Variants in DNAJC11 observed in about 807,000 individuals in gnomAD.
DNAJC11 encodes the protein DnaJ heat shock protein family (Hsp40) member C11.
DNAJC11 carries 15 observed loss-of-function variants against 78.6 expected under a neutral mutation model. That is an observed-to-expected ratio of 0.19 (90% confidence interval 0.13 to 0.29). DNAJC11 has a LOEUF of 0.29. Ranked by LOEUF, DNAJC11 falls within the 10% of genes least tolerant of loss-of-function variation. The pLI, the probability that DNAJC11 is intolerant of heterozygous loss-of-function variation, is 1.00. For missense variants in DNAJC11, 547 were observed against 709.6 expected, an observed-to-expected ratio of 0.77 and a Z score of 2.60; for synonymous variants, 292 against 272.1, an observed-to-expected ratio of 1.07 and a Z score of -0.72.
chr1:6,701,638 G>T, intron 1 of DNAJC11, 91 bp downstream of exon 1: 1 of 1,343,130 alleles, frequency 7.4e-7, no homozygotes, highest in Non-Finnish European at 9.9e-7. Flanking sequence ...CGAGCCTCCC[G>T]TGGCGGGGGT....
At chr1:6,651,893 C>G (rs1234776959) in intron 6 of DNAJC11, among the ~76,000 whole-genome samples, 6 of 152,226 alleles carry the variant, frequency 3.9e-5, no homozygotes, top group African/African-American at 1.4e-4. Flanking sequence ...AGGCTGAGGT[C>G]AGGAGACCAG....
Position 6,667,722 on chromosome 1 carries a change from C to A in DNAJC11, c.365G>T (p.Arg122Leu). Residue 122 changes from arginine (R) to leucine (L), a missense_variant, in exon 4 of 16, where the codon CGA becomes CTA. By Grantham distance (102) the Arg-to-Leu change is moderately radical (BLOSUM62 -2). Coordinates refer to ENST00000377577, the MANE Select transcript of DNAJC11 (RefSeq NM_018198.4). ...CCCCTGGCTTACCTTGGGATTGGTT[C>A]GCTGCTGCAATCTCCTCTCTTCTCT... ...REREERRLQQ[R>L]TNPKGTISVG... 1 of 1,614,070 alleles carries A rather than the reference C, an allele frequency of 6.2e-7. No homozygotes were observed. Among genetic ancestry groups the A allele is most frequent in the South Asian group, 1.1e-5 (1 of 91,072 alleles).
At chr1:6,665,002 A>C (rs941878936) in intron 4 of DNAJC11, among the ~76,000 whole-genome samples, 4 of 151,598 alleles carry the variant, frequency 2.6e-5, no homozygotes, top group African/African-American at 9.7e-5. Context: ...CAGCCTGCAA[A>C]CCCCTCTGAG....
Position 6,635,671 on chromosome 1 carries a change from C to T in DNAJC11, c.*4G>A, listed in dbSNP as rs749980200. On this transcript the variant is annotated 3_prime_UTR_variant, in exon 16 of 16. Coordinates refer to ENST00000377577, the MANE Select transcript of DNAJC11 (RefSeq NM_018198.4). ...GGCCTTTTAAAAATCTGGTTCTTGG[C>T]AGTTTATCCATCTGTATCGATCCTG... 3 of 1,613,838 alleles carry T rather than the reference C, an allele frequency of 1.9e-6. No individual in the cohort carries two copies. In the East Asian group the frequency reaches 6.7e-5, roughly 36 times the overall value.
At chr1:6,665,064 A>G (rs894505884) in intron 4 of DNAJC11, among the ~76,000 whole-genome samples, 7 of 152,096 alleles carry the variant, frequency 4.6e-5, no homozygotes, top group African/African-American at 9.7e-5. Flanking sequence ...TAAGTCATCA[A>G]AAGTGTCCTT....
chr1:6,688,861 A>G (rs1043019994), intron 1 of DNAJC11, among the ~76,000 whole-genome samples: 6 of 152,238 alleles, frequency 3.9e-5, no homozygotes, highest in African/African-American at 1.2e-4. Flanking sequence ...TTGGACACCC[A>G]TCTGTCTGCT....
In DNAJC11 at chr1:6,635,502, C is replaced by A. The variant is rs1274055436; in HGVS notation, c.*173G>T. 4.3e-6 allele frequency: 3 copies of A among 693,180 alleles called. No homozygotes were observed. The highest frequency in any genetic ancestry group is 7.2e-6 in the Non-Finnish European group (3 of 416,614). The allele number at this position is 693,180 out of a possible 1,614,324, so 42.9% of individuals were successfully genotyped here. A position where few individuals can be genotyped will look rare whatever the true frequency, so the allele number is the denominator to read the frequency against. Reference sequence around the variant, plus strand: ...GGCTGCCTCAGTCCTACCCCCAGCACCCTCAAAAGCTGGGGTGTCTGCATG... The same window carrying A: ...GGCTGCCTCAGTCCTACCCCCAGCAACCTCAAAAGCTGGGGTGTCTGCATG... On this transcript the variant is annotated 3_prime_UTR_variant, in exon 16 of 16. Transcript: ENST00000377577.
At chr1:6,655,073 A>G (rs973983563) in intron 4 of DNAJC11, among the ~76,000 whole-genome samples, 1 of 152,198 alleles carries the variant, frequency 6.6e-6, no homozygotes, top group Non-Finnish European at 1.5e-5. Context: ...CTGAGATTAC[A>G]GGTGTGAGCC....
intron 3 of DNAJC11, among the ~76,000 whole-genome samples, chr1:6,673,548 G>A (rs946053373): frequency 6.6e-6 from 1 of 152,118 alleles, no homozygotes; most frequent in Non-Finnish European, 1.5e-5. Flanking sequence ...ATTTGGAAAC[G>A]CTACAACAAC....
intron 3 of DNAJC11, chr1:6,670,504 CA>C: frequency 6.6e-6 from 1 of 151,982 alleles, no homozygotes; most frequent in South Asian, 2.1e-4. Flanking sequence ...AAAAAAAATA[CA>C]AAAACGCATC....
chr1:6,642,255 A>G (rs1297098819), intron 10 of DNAJC11, among the ~76,000 whole-genome samples: 1 of 152,170 alleles, frequency 6.6e-6, no homozygotes, highest in African/African-American at 2.4e-5. Context: ...CTGAGGTTTT[A>G]GGCAGAAGAC....
Position 6,669,505 on chromosome 1 carries a change from CTCTG to C in DNAJC11, c.277-1699_277-1696del, listed in dbSNP as rs1642342899. ...CAGCCTGGGCAACATGAGCAAGAAA[CTCTG>C]TCTTAGAAAAGAAAAGAAAAGAAAA... On this transcript the variant is annotated intron_variant, in intron 3 of 15. Coordinates refer to ENST00000377577, the MANE Select transcript of DNAJC11 (RefSeq NM_018198.4). Among the ~76,000 whole-genome samples, 4 of 137,438 alleles carry C rather than the reference CTCTG, an allele frequency of 2.9e-5. No homozygotes were observed. In the South Asian group the frequency reaches 9.0e-4, roughly 31 times the overall value. The allele number at this position is 137,438 out of a possible 152,430, so 90.2% of individuals were successfully genotyped here.
At chr1:6,684,451 T>G (rs1044730676) in intron 1 of DNAJC11, among the ~76,000 whole-genome samples, 1 of 152,232 alleles carries the variant, frequency 6.6e-6, no homozygotes, top group Non-Finnish European at 1.5e-5. Flanking sequence ...AGTACTGGAT[T>G]AGACAGATTG....
Position 6,634,907 on chromosome 1 carries a change from G to A in DNAJC11, c.*768C>T. 1 of 1,180,196 alleles carries A rather than the reference G, an allele frequency of 8.5e-7. No individual in the cohort carries two copies. The highest frequency in any genetic ancestry group is 1.1e-6 in the Non-Finnish European group (1 of 930,206). The allele number at this position is 1,180,196 out of a possible 1,614,324, so 73.1% of individuals were successfully genotyped here. A position where few individuals can be genotyped will look rare whatever the true frequency, so the allele number is the denominator to read the frequency against. On this transcript the variant is annotated 3_prime_UTR_variant, in exon 16 of 16. Transcript: ENST00000377577. ...TTGCCCAGCACTGCACTCTGGAGGT[G>A]GGTGGTGCAGGCGGTGGAGGGACAC...
chr1:6,647,737 C>T (rs1463330971), intron 7 of DNAJC11, among the ~76,000 whole-genome samples: 2 of 152,054 alleles, frequency 1.3e-5, no homozygotes, highest in Non-Finnish European at 2.9e-5. Flanking sequence ...ATAGCTTGAA[C>T]CTGGGAGGTG....
At chr1:6,649,108 T>A (rs545298840) in intron 7 of DNAJC11, among the ~76,000 whole-genome samples, 3 of 152,240 alleles carry the variant, frequency 2.0e-5, no homozygotes, top group Admixed American at 2.0e-4. Flanking sequence ...TCCTCCCACC[T>A]TGGCCTCCCA....
chr1:6,661,830 A>G (rs573559112), intron 4 of DNAJC11, among the ~76,000 whole-genome samples: 2 of 152,354 alleles, frequency 1.3e-5, no homozygotes, highest in South Asian at 4.1e-4. Flanking sequence ...TACGGTTATT[A>G]GCCAGGGCAA....
chr1:6,697,440 CAT>C (rs3866806), intron 1 of DNAJC11, among the ~76,000 whole-genome samples: 2,486 of 152,296 alleles, frequency 0.016, 80 homozygotes, highest in African/African-American at 0.056. Flanking sequence ...GTCAAATTCT[CAT>C]AAAGAGGACC....
intron 4 of DNAJC11, among the ~76,000 whole-genome samples, chr1:6,660,443 A>ACCACGC (rs1465074407): frequency 6.6e-6 from 1 of 152,160 alleles, no homozygotes; most frequent in African/African-American, 2.4e-5. Context: ...GGCATGAGCC[A>ACCACGC]CCACGCCCAG....
Sources: gnomAD v4.1 joint callset for allele counts (sites outside exome capture counted in the v4.1 genomes callset) on GRCh38, gnomAD v4.1.1 for gene constraint, MANE v1.5 for transcripts, NCBI Gene and HGNC (gene_info 2026-07-23, HGNC 2026-07-21) for gene names.